The following PHLDB3 variants were observed in gnomAD, a reference collection of about 807,000 sequenced individuals.
The protein encoded by PHLDB3 is pleckstrin homology like domain family B member 3.
In PHLDB3, 86 loss-of-function variants were observed where a neutral mutation model predicts 85.7. The ratio of observed to expected loss-of-function variants is 1.00; its 90% CI spans 0.84 to 1.20. PHLDB3 has a LOEUF of 1.20. Ranked by LOEUF, PHLDB3 falls within the 50% of genes most tolerant of loss-of-function variation. PHLDB3 has a pLI of 0.00. For synonymous variants in PHLDB3, 376 were observed against 349.8 expected, an observed-to-expected ratio of 1.07 and a Z score of -0.83; for missense variants, 995 against 873.0, an observed-to-expected ratio of 1.14 and a Z score of -1.76.
rs773743745 is a variant in PHLDB3 at position 43,475,450 on chromosome 19, T to C, written c.1883A>G (p.Asp628Gly). Residue 628 changes from aspartate (D) to glycine (G), a missense_variant, in exon 16 of 16, where the codon GAC (aspartate) becomes GGC (glycine). Coordinates refer to ENST00000292140, the MANE Select transcript of PHLDB3 (RefSeq NM_198850.4). Reference protein sequence around the residue: ...PSPEAMRIWMDVIVTAADENH... With the variant: ...PSPEAMRIWMGVIVTAADENH... Reference sequence around the variant, plus strand: ...TTCGTCAGCGGCGGTCACGATGACGTCCATCCAAATGCGCATGGCTTCGGG... The same window carrying C: ...TTCGTCAGCGGCGGTCACGATGACGCCCATCCAAATGCGCATGGCTTCGGG... 1.9e-6 allele frequency: 3 copies of C among 1,613,916 alleles called. No homozygotes were observed. Among genetic ancestry groups the C allele is most frequent in the Non-Finnish European group, 2.5e-6 (3 of 1,179,854 alleles).
intron 15 of PHLDB3, 114 bp downstream of exon 15, chr19:43,477,933 C>A: frequency 4.2e-6 from 3 of 708,198 alleles, no homozygotes; most frequent in South Asian, 2.0e-5. Context: ...CCTATGAGTA[C>A]CCTGACAGGA....
At chr19:43,475,941 G>A (rs868369564) in intron 15 of PHLDB3, among the ~76,000 whole-genome samples, 1 of 151,996 alleles carries the variant, frequency 6.6e-6, no homozygotes. Flanking sequence ...GACTACAGGC[G>A]TGTGCCACCA....
intron 13 of PHLDB3, chr19:43,485,968 G>A (rs190180959): frequency 1.1e-5 from 11 of 985,332 alleles, no homozygotes; most frequent in Admixed American, 6.1e-5. Flanking sequence ...CCAGGAATAA[G>A]TCCCAGCATG....
chr19:43,498,663 C>T (rs751148181), intron 4 of PHLDB3, among the ~76,000 whole-genome samples: 1 of 152,052 alleles, frequency 6.6e-6, no homozygotes, highest in Non-Finnish European at 1.5e-5. Context: ...ACTGTGGGAA[C>T]CCAGAATGAA....
intron 9 of PHLDB3, among the ~76,000 whole-genome samples, chr19:43,494,342 C>G: frequency 6.6e-6 from 1 of 151,330 alleles, no homozygotes; most frequent in Non-Finnish European, 1.5e-5. Flanking sequence ...TGCCCCCCCA[C>G]CACCCCCGCA....
chr19:43,497,268 T>C lies in PHLDB3; in HGVS notation c.675A>G (p.Gln225=). 16 of 1,466,012 alleles carry C rather than the reference T, an allele frequency of 1.1e-5. No individual in the cohort carries two copies. The highest frequency in any genetic ancestry group is 1.4e-5 in the Non-Finnish European group (15 of 1,109,060). The allele number at this position is 1,466,012 out of a possible 1,614,324, so 90.8% of individuals were successfully genotyped here. ...CATAGGCACGTTGGGCCACATCCAG[T>C]TGTTCCCTCATCTATAGGTCGGAAC... is the stretch of plus-strand genomic sequence containing the variant. ...LLQGVQEMRE[Q]LDVAQRAYED... Residue 225 remains glutamine, a synonymous_variant, in exon 6 of 16, where the codon CAA becomes CAG. Transcript: ENST00000292140.
At chr19:43,496,860 T>A in intron 6 of PHLDB3, 1 of 444,610 alleles carries the variant, frequency 2.2e-6, no homozygotes, top group Non-Finnish European at 3.5e-6. Context: ...TTCAGCTTCT[T>A]TATTTATAAC....
At chr19:43,495,778 G>T in intron 6 of PHLDB3, 158 bp from the exon 7 acceptor site, 2 of 1,023,974 alleles carry the variant, frequency 2.0e-6, no homozygotes, top group Non-Finnish European at 2.8e-6. Context: ...CAGCTCCCTG[G>T]ACCCTCTTCC....
At chr19:43,489,099 T>C (rs1234250990) in intron 9 of PHLDB3, among the ~76,000 whole-genome samples, 1 of 151,900 alleles carries the variant, frequency 6.6e-6, no homozygotes, top group Non-Finnish European at 1.5e-5. Flanking sequence ...CGCACCCAAG[T>C]GACTCTAAGG....
chr19:43,502,127 G>A lies in PHLDB3; in HGVS notation c.370C>T (p.Arg124Cys), dbSNP rs767399884. The A allele has an allele frequency of 6.3e-7, 1 of 1,578,712 alleles. No homozygotes were observed. ...LMEQRVKELQRQRKELRIEME... is the reference protein window; with the variant it reads ...LMEQRVKELQCQRKELRIEME... The stretch of plus-strand genomic sequence containing the variant: ...TCGATCCTCAGCTCCTTCCTCTGGC[G>A]CTGTAGCTCCTTCACTCGCTGCTCC... Residue 124 changes from arginine to cysteine, a missense_variant, in exon 3 of 16, where the codon CGC becomes TGC. Physicochemically the swap from Arg to Cys is radical, Grantham distance 180 (BLOSUM62 -3). Transcript: ENST00000292140.
At chr19:43,495,930 G>A (rs1235589392) in intron 6 of PHLDB3, 2 of 267,336 alleles carry the variant, frequency 7.5e-6, no homozygotes, top group Non-Finnish European at 1.4e-5. Context: ...ACAGAGACAA[G>A]TAGAGACAAC....
intron 1 of PHLDB3, 90 bp from the exon 2 acceptor site, chr19:43,504,222 C>CG: frequency 8.4e-7 from 1 of 1,195,914 alleles, no homozygotes; most frequent in Non-Finnish European, 1.1e-6. Flanking sequence ...GGAGACCCCC[C>CG]CCCAAGGAGG....
At chr19:43,476,306 T>C (rs1235412733) in intron 15 of PHLDB3, among the ~76,000 whole-genome samples, 1 of 152,126 alleles carries the variant, frequency 6.6e-6, no homozygotes, top group East Asian at 1.9e-4. Context: ...GCCCTCTCAA[T>C]AACCCTGATG....
chr19:43,480,574 T>C (rs1424519804), intron 13 of PHLDB3, among the ~76,000 whole-genome samples: 1 of 152,170 alleles, frequency 6.6e-6, no homozygotes, highest in African/African-American at 2.4e-5. Flanking sequence ...GCCTGGGTGA[T>C]TGAGTGAGAC....
rs1010506893 is a variant in PHLDB3 at position 43,476,652 on chromosome 19, GA to G, written c.1789-1109del. On this transcript the variant is annotated intron_variant, in intron 15 of 15. Coordinates refer to ENST00000292140, the MANE Select transcript of PHLDB3 (RefSeq NM_198850.4). Reference sequence around the variant, plus strand: ...CACTCCAGCCTGGTCTATGGAGCAAGAAAAAAAAAAAGAAAAAGAAACAAAG... The same window carrying G: ...CACTCCAGCCTGGTCTATGGAGCAAGAAAAAAAAAAGAAAAAGAAACAAAG... Among the ~76,000 whole-genome samples the G allele has an allele frequency of 5.8e-4, 82 of 141,564 alleles. No homozygotes were observed. In the East Asian group the frequency reaches 8.3e-3, roughly 14 times the overall value. The allele number at this position is 141,564 out of a possible 152,430, so 92.9% of individuals were successfully genotyped here.
chr19:43,475,926 G>A (rs952356561), intron 15 of PHLDB3, among the ~76,000 whole-genome samples: 1 of 152,110 alleles, frequency 6.6e-6, no homozygotes, highest in African/African-American at 2.4e-5. Context: ...CTCCCGAGTA[G>A]CTGGGACTAC....
At chr19:43,503,115 T>G (rs1007612236) in intron 2 of PHLDB3, among the ~76,000 whole-genome samples, 4 of 152,186 alleles carry the variant, frequency 2.6e-5, no homozygotes, top group Admixed American at 2.0e-4. Context: ...TCCCTCTGTC[T>G]CGATTCCCCT....
At position 43,479,407 on chromosome 19, in the gene PHLDB3, G is replaced by A. The variant is rs372373736; in HGVS notation, c.1672C>T (p.Arg558Cys). The change falls in exon 14 of 16, where the codon CGC (arginine) becomes TGC (cysteine). Residue 558 changes from arginine (R) to cysteine (C), a missense_variant. Coordinates refer to ENST00000292140, the MANE Select transcript of PHLDB3 (RefSeq NM_198850.4). ...TAGTAGGCCAAGCGGCGGGCTTGGC[G>A]GTCAAAGCAGAACCATCGCTTCCTC... ...TWRKRWFCFD[R>C]QARRLAYYAD... is the part of the protein sequence containing the mutation. 37 of 1,563,812 alleles carry A rather than the reference G, an allele frequency of 2.4e-5. No homozygotes were observed. The highest frequency in any genetic ancestry group is 2.8e-5 in the Non-Finnish European group (32 of 1,154,858).
chr19:43,485,873 T>G, intron 13 of PHLDB3: 2 of 833,274 alleles, frequency 2.4e-6, no homozygotes, highest in Non-Finnish European at 2.9e-6. Context: ...AAATGATTTT[T>G]AAAAGTTCCA....
Sources: allele counts gnomAD v4.1 joint callset (sites outside exome capture counted in the v4.1 genomes callset), GRCh38; gene constraint gnomAD v4.1.1; transcripts MANE v1.5; gene names NCBI Gene and HGNC (gene_info 2026-07-23, HGNC 2026-07-21).